Variants in FAM81B observed in about 807,000 individuals in gnomAD.
FAM81B encodes protein FAM81B.
FAM81B carries 60 observed loss-of-function variants against 58.7 expected under a neutral mutation model. The ratio of observed to expected loss-of-function variants is 1.02; its 90% CI spans 0.83 to 1.27. The LOEUF (loss-of-function observed/expected upper bound fraction) is 1.27. FAM81B is among the 50% of genes most tolerant of loss of function. FAM81B has a pLI of 0.00. For synonymous variants in FAM81B, 189 were observed against 179.6 expected, an observed-to-expected ratio of 1.05 and a Z score of -0.42; for missense variants, 491 against 522.0, an observed-to-expected ratio of 0.94 and a Z score of 0.58.
intron 3 of FAM81B, among the ~76,000 whole-genome samples, chr5:95,409,631 C>T (rs1334386796): frequency 6.6e-6 from 1 of 151,996 alleles, no homozygotes; most frequent in East Asian, 1.9e-4. Flanking sequence ...ATAGCATGAG[C>T]CCCTCTTCTT....
chr5:95,402,926 G>A (rs551473850), intron 3 of FAM81B, among the ~76,000 whole-genome samples: 11 of 152,158 alleles, frequency 7.2e-5, no homozygotes, highest in East Asian at 1.9e-4. Context: ...TAGAACACTC[G>A]GTTGGTAAGT....
chr5:95,425,343 G>T (rs1157539721), intron 5 of FAM81B, among the ~76,000 whole-genome samples: 1 of 152,128 alleles, frequency 6.6e-6, no homozygotes, highest in Non-Finnish European at 1.5e-5. Flanking sequence ...ACTGCAACGA[G>T]CATCCAGGTA....
chr5:95,418,773 C>T (rs543334202), intron 4 of FAM81B, among the ~76,000 whole-genome samples: 2 of 152,126 alleles, frequency 1.3e-5, no homozygotes, highest in Admixed American at 6.5e-5. Context: ...AAAATAATCT[C>T]CTCAATTATC....
Position 95,420,418 on chromosome 5 carries a change from T to C in FAM81B, c.656+16T>C. 3 of 1,613,184 alleles carry C rather than the reference T, an allele frequency of 1.9e-6. No homozygotes were observed. The highest frequency in any genetic ancestry group is 1.7e-6 in the Non-Finnish European group (2 of 1,179,376). On this transcript the variant is annotated intron_variant, in intron 5 of 9. Transcript: ENST00000283357. Reference sequence around the variant, plus strand: ...GAGTAGCCAGGTGAGAAGAAGCATGTTGACTAATGTTTAACAGTGAATTCT... The same window carrying C: ...GAGTAGCCAGGTGAGAAGAAGCATGCTGACTAATGTTTAACAGTGAATTCT...
At chr5:95,420,900 T>G (rs1049096484) in intron 5 of FAM81B, among the ~76,000 whole-genome samples, 25 of 152,324 alleles carry the variant, frequency 1.6e-4, no homozygotes, top group Admixed American at 1.2e-3. Flanking sequence ...GCAGGACCAC[T>G]CTGGCAGACA....
chr5:95,447,438 A>T (rs1481343869), intron 8 of FAM81B, among the ~76,000 whole-genome samples: 1 of 152,370 alleles, frequency 6.6e-6, no homozygotes, highest in South Asian at 2.1e-4. Flanking sequence ...ATAAAGCTTT[A>T]TCACTGGTAA....
chr5:95,426,459 A>G (rs1421109959), intron 5 of FAM81B, among the ~76,000 whole-genome samples: 3 of 152,084 alleles, frequency 2.0e-5, no homozygotes, highest in African/African-American at 4.8e-5. Flanking sequence ...AAGTTGAGTA[A>G]ATAAATCATA....
At chr5:95,414,337 G>A (rs1371318323) in intron 4 of FAM81B, 147 bp downstream of exon 4, 10 of 928,640 alleles carry the variant, frequency 1.1e-5, no homozygotes, top group South Asian at 1.9e-5. Context: ...AGTGGTCTAA[G>A]AGGGAAACAG....
chr5:95,408,322 CT>C (rs1261751100), intron 3 of FAM81B, among the ~76,000 whole-genome samples: 1 of 152,198 alleles, frequency 6.6e-6, no homozygotes, highest in Non-Finnish European at 1.5e-5. Flanking sequence ...TGGCCTTTGT[CT>C]TCTCCCATTT....
intron 5 of FAM81B, among the ~76,000 whole-genome samples, chr5:95,427,440 C>T (rs190832284): frequency 3.1e-3 from 469 of 152,238 alleles, no homozygotes; most frequent in African/African-American, 6.6e-3. Context: ...TCTTCACCCC[C>T]ACTACAACCA....
chr5:95,441,535 C>T (rs1561314198), intron 7 of FAM81B, among the ~76,000 whole-genome samples: 1 of 151,948 alleles, frequency 6.6e-6, no homozygotes, highest in Non-Finnish European at 1.5e-5. Context: ...TGCCACTCTC[C>T]TCCAGCCTGG....
At chr5:95,413,596 T>A (rs976228529) in intron 3 of FAM81B, among the ~76,000 whole-genome samples, 1 of 152,196 alleles carries the variant, frequency 6.6e-6, no homozygotes, top group Non-Finnish European at 1.5e-5. Flanking sequence ...TCTAACACAG[T>A]CACTTTTGCA....
At chr5:95,395,652 A>C (rs759919449) in intron 2 of FAM81B, among the ~76,000 whole-genome samples, 4 of 152,164 alleles carry the variant, frequency 2.6e-5, no homozygotes, top group Non-Finnish European at 4.4e-5. Context: ...AATCATGTGT[A>C]TGACTGCTCT....
chr5:95,438,785 T>TA (rs11299017), intron 7 of FAM81B, among the ~76,000 whole-genome samples: 1,647 of 128,228 alleles, frequency 0.013, 17 homozygotes, highest in African/African-American at 0.021. Context: ...GCATTAATTG[T>TA]AAAAAAAAAA....
chr5:95,406,091 G>C (rs1224759319), intron 3 of FAM81B: 2 of 154,310 alleles, frequency 1.3e-5, no homozygotes, highest in African/African-American at 4.8e-5. Flanking sequence ...GACTTATGTT[G>C]TTCCCTTTCC....
chr5:95,391,673 C>G (rs369044296), intron 1 of FAM81B, among the ~76,000 whole-genome samples, 160 bp downstream of exon 1: 3 of 146,050 alleles, frequency 2.1e-5, no homozygotes, highest in African/African-American at 7.6e-5. Flanking sequence ...GAAAAAAAAA[C>G]CCCATCAAAA....
rs553894972 is a variant in FAM81B, at chr5:95,407,906, G to A, written c.294-6041G>A. On this transcript the variant is annotated intron_variant, in intron 3 of 9. Coordinates refer to ENST00000283357, the MANE Select transcript of FAM81B (RefSeq NM_152548.3). ...TCAAAACTCAGCGGCATAAAACAGC[G>A]AATATTTATCTCACAGTTTCTCAGG... Among the ~76,000 whole-genome samples the A allele has an allele frequency of 3.3e-5, 5 of 152,258 alleles. No homozygotes were observed. The East Asian group carries it at 5.8e-4, about 18-fold the overall frequency.
intron 3 of FAM81B, among the ~76,000 whole-genome samples, chr5:95,412,778 A>G (rs868494489): frequency 1.9e-4 from 29 of 152,306 alleles, no homozygotes; most frequent in Middle Eastern, 6.8e-3. Context: ...ATATATAAAG[A>G]AGCAGGTAAG....
chr5:95,424,145 G>A, intron 5 of FAM81B: 2 of 1,289,788 alleles, frequency 1.6e-6, no homozygotes, highest in Non-Finnish European at 2.0e-6. Context: ...CCTGAATAGA[G>A]GATGCTATCT....
Sources: allele counts gnomAD v4.1 joint callset (sites outside exome capture counted in the v4.1 genomes callset), GRCh38; gene constraint gnomAD v4.1.1; transcripts MANE v1.5; gene names NCBI Gene and HGNC (gene_info 2026-07-23, HGNC 2026-07-21).